MFAP3L: variants seen among roughly 807,000 people sequenced by gnomAD.
The protein encoded by MFAP3L is microfibril associated protein 3 like.
In MFAP3L, 5 loss-of-function variants were observed where a neutral mutation model predicts 20.0. The observed-to-expected ratio is 0.25, with a 90% CI of 0.13 to 0.53. The LOEUF (loss-of-function observed/expected upper bound fraction) is 0.53. Ranked by LOEUF, MFAP3L falls within the 20% of genes least tolerant of loss-of-function variation. The pLI, the probability that MFAP3L is intolerant of heterozygous loss-of-function variation, is 0.96. For missense variants in MFAP3L, 409 were observed against 527.5 expected, an observed-to-expected ratio of 0.78 and a Z score of 2.20; for synonymous variants, 219 against 213.0, an observed-to-expected ratio of 1.03 and a Z score of -0.25.
At chr4:169,994,751 G>A (rs933177205) in intron 2 of MFAP3L, among the ~76,000 whole-genome samples, 1 of 152,226 alleles carries the variant, frequency 6.6e-6, no homozygotes, top group Non-Finnish European at 1.5e-5. Context: ...TCTGTGAGAT[G>A]TCTAACAGAT....
chr4:170,003,431 G>C (rs1338919466), intron 2 of MFAP3L, among the ~76,000 whole-genome samples: 1 of 152,198 alleles, frequency 6.6e-6, no homozygotes, highest in Admixed American at 6.5e-5. Flanking sequence ...TCAATACACA[G>C]ATGAAGGAGG....
chr4:170,010,863 T>A (rs1560984695), intron 1 of MFAP3L, among the ~76,000 whole-genome samples: 1 of 152,180 alleles, frequency 6.6e-6, no homozygotes, highest in Non-Finnish European at 1.5e-5. Flanking sequence ...TACTGAATTT[T>A]AGATAATTAG....
intron 1 of MFAP3L, among the ~76,000 whole-genome samples, chr4:170,014,956 A>G (rs980819262): frequency 2.6e-5 from 4 of 152,318 alleles, no homozygotes; most frequent in African/African-American, 9.6e-5. Context: ...GAGACACAGA[A>G]TAACTTCTAA....
Position 169,992,397 on chromosome 4 carries a change from A to T in MFAP3L, c.299-88T>A. 1 of 1,155,744 alleles carries T rather than the reference A, an allele frequency of 8.7e-7. No individual in the cohort carries two copies. The highest frequency in any genetic ancestry group is 1.2e-6 in the Non-Finnish European group (1 of 809,820). 71.6% of individuals were successfully genotyped at this position (1,155,744 alleles called of 1,614,324 possible). A position where few individuals can be genotyped will look rare whatever the true frequency, so the allele number is the denominator to read the frequency against. On this transcript the variant is annotated intron_variant, in intron 2 of 2. Transcript: ENST00000361618. This position sits in a 1 kb window ranked among gnomAD's most constrained non-coding sequence, Gnocchi z 4.3. ...TACGTTTCTAAGAACATCTATGAAC[A>T]TCTATGAAGAACATCTATGAAGTCT... is the stretch of plus-strand genomic sequence containing the variant.
intron 2 of MFAP3L, among the ~76,000 whole-genome samples, chr4:170,004,774 C>A (rs531661878): frequency 6.6e-6 from 1 of 152,154 alleles, no homozygotes; most frequent in Non-Finnish European, 1.5e-5. Context: ...TAATAAGCTG[C>A]TACTTTAGAA....
intron 1 of MFAP3L, among the ~76,000 whole-genome samples, chr4:170,025,266 T>A (rs908429452): frequency 1.3e-5 from 2 of 152,228 alleles, no homozygotes; most frequent in African/African-American, 4.8e-5. Flanking sequence ...ATGTTCAGCA[T>A]AGTAGCAACT....
In MFAP3L at chr4:169,991,029, G is replaced by A; in HGVS notation, c.*349C>T. On this transcript the variant is annotated 3_prime_UTR_variant, in exon 3 of 3. Transcript: ENST00000361618. The surrounding 1 kb of genome is among the most constrained non-coding windows in gnomAD (Gnocchi z 4.9). ...TTTAAAAGGAAAAGCAATGCAGGGG[G>A]CACTGGACAGGGTTCTTGAACTCAG... 1 of 263,946 alleles carries A rather than the reference G, an allele frequency of 3.8e-6. No homozygotes were observed. The highest frequency in any genetic ancestry group is 7.2e-5 in the East Asian group (1 of 13,882). The allele number at this position is 263,946 out of a possible 1,614,324, so 16.4% of individuals were successfully genotyped here. A position where few individuals can be genotyped will look rare whatever the true frequency, so the allele number is the denominator to read the frequency against.
At chr4:169,993,087 C>A (rs924580768) in intron 2 of MFAP3L, among the ~76,000 whole-genome samples, 25 of 152,168 alleles carry the variant, frequency 1.6e-4, no homozygotes, top group African/African-American at 5.3e-4. Context: ...AGTTTTCTTA[C>A]CCCCACCACC....
At chr4:170,021,751 TAA>T (rs1322801035) in intron 1 of MFAP3L, among the ~76,000 whole-genome samples, 1 of 152,200 alleles carries the variant, frequency 6.6e-6, no homozygotes, top group Non-Finnish European at 1.5e-5. Flanking sequence ...GCCTTGTACA[TAA>T]GAGAGACTAA....
Position 169,989,161 on chromosome 4 carries a change from T to A in MFAP3L, c.*2217A>T, listed in dbSNP as rs1010897572. On this transcript the variant is annotated 3_prime_UTR_variant, in exon 3 of 3. Transcript: ENST00000361618. ...TTCTAAGAGGTGGTGTTAAAACTTT[T>A]CTGCAACCCAAAAACATACAATGCT... The A allele has an allele frequency of 6.6e-6, 1 of 152,176 alleles. No homozygotes were observed. The highest frequency in any genetic ancestry group is 2.4e-5 in the African/African-American group (1 of 41,432). 9.4% of individuals were successfully genotyped at this position (152,176 alleles called of 1,614,324 possible). A position where few individuals can be genotyped will look rare whatever the true frequency, so the allele number is the denominator to read the frequency against.
chr4:170,024,852 C>T (rs1333023634), intron 1 of MFAP3L, among the ~76,000 whole-genome samples: 2 of 152,170 alleles, frequency 1.3e-5, no homozygotes, highest in African/African-American at 4.8e-5. Flanking sequence ...CAAGCACCAA[C>T]CTTAAAGCCT....
intron 2 of MFAP3L, among the ~76,000 whole-genome samples, chr4:169,998,957 G>A (rs929743153): frequency 2.0e-5 from 3 of 152,234 alleles, no homozygotes; most frequent in African/African-American, 4.8e-5. Context: ...CACAAAATGC[G>A]TGCATATGTG....
intron 1 of MFAP3L, among the ~76,000 whole-genome samples, chr4:170,010,551 C>T (rs578223312): frequency 2.6e-5 from 4 of 152,230 alleles, no homozygotes; most frequent in South Asian, 2.1e-4. Context: ...TTGAAGATGG[C>T]GAGGCTGAAG....
intron 2 of MFAP3L, among the ~76,000 whole-genome samples, chr4:169,997,556 A>G (rs1015617706): frequency 6.6e-6 from 1 of 152,252 alleles, no homozygotes; most frequent in Non-Finnish European, 1.5e-5. Context: ...GTCTATGTGT[A>G]GAAAATCACT....
At position 169,991,115 on chromosome 4, in the gene MFAP3L, A is replaced by G. The variant is rs1436537519; in HGVS notation, c.*263T>C. 2.0e-6 allele frequency: 1 copy of G among 501,732 alleles called. No homozygotes were observed. The allele number at this position is 501,732 out of a possible 1,614,324, so 31.1% of individuals were successfully genotyped here. On this transcript the variant is annotated 3_prime_UTR_variant, in exon 3 of 3. Coordinates refer to ENST00000361618, the MANE Select transcript of MFAP3L (RefSeq NM_021647.8). This position sits in a 1 kb window ranked among gnomAD's most constrained non-coding sequence, Gnocchi z 4.9. The stretch of plus-strand genomic sequence containing the variant: ...CATCACCAATTAAGGTATTTGGCAG[A>G]GATCAGCCTCTGAAACTCATTATCA...
chr4:169,995,755 A>T lies in MFAP3L; in HGVS notation c.299-3446T>A, dbSNP rs142829717. On this transcript the variant is annotated intron_variant, in intron 2 of 2. Coordinates refer to ENST00000361618, the MANE Select transcript of MFAP3L (RefSeq NM_021647.8). ...GGGATACACAGTGCAGTCCCCATGTATTTTAAACTGTAACTGAGTGGGTAT... is the reference window on the plus strand; with the variant it reads ...GGGATACACAGTGCAGTCCCCATGTTTTTTAAACTGTAACTGAGTGGGTAT... 6.6e-5 allele frequency among the ~76,000 whole-genome samples: 10 copies of T among 152,278 alleles called. No individual in the cohort carries two copies. The East Asian group carries it at 1.9e-3, about 29-fold the overall frequency.
At chr4:170,006,115 C>CTTTTTTTTTTTTTTT (rs11383582) in intron 1 of MFAP3L, 105 bp from the exon 2 acceptor site, 1 of 576,652 alleles carries the variant, frequency 1.7e-6, no homozygotes. Context: ...CATCAACATA[C>CTTTTTTTTTTTTTTT]TTTTTTTTTT....
chr4:170,007,329 T>C (rs1016656665), intron 1 of MFAP3L, among the ~76,000 whole-genome samples: 17 of 152,188 alleles, frequency 1.1e-4, no homozygotes, highest in Admixed American at 3.3e-4. Flanking sequence ...TTTGCAAATG[T>C]CTTTCTTTAC....
rs1737507713 is a variant in MFAP3L at position 169,989,508 on chromosome 4, G to A, written c.*1870C>T. On this transcript the variant is annotated 3_prime_UTR_variant, in exon 3 of 3. Transcript: ENST00000361618. ...TCATGCAACGGGGGTTGGTTATCCT[G>A]GAAGACTGCAAACTTTCTGTGAACT... 1 of 152,186 alleles carries A rather than the reference G, an allele frequency of 6.6e-6. No individual in the cohort carries two copies. Among genetic ancestry groups the A allele is most frequent in the Non-Finnish European group, 1.5e-5 (1 of 68,030 alleles). 9.4% of individuals were successfully genotyped at this position (152,186 alleles called of 1,614,324 possible).
Sources: allele counts gnomAD v4.1 joint callset (sites outside exome capture counted in the v4.1 genomes callset), GRCh38; gene constraint gnomAD v4.1.1; non-coding constraint Gnocchi (gnomAD v3.1); transcripts MANE v1.5; gene names NCBI Gene and HGNC (gene_info 2026-07-23, HGNC 2026-07-21).